The following CXADR variants were observed in gnomAD, a reference collection of about 807,000 sequenced individuals.
The protein encoded by CXADR is CXADR cell adhesion molecule, also known as coxsackievirus and adenovirus receptor.
CXADR carries 20 observed loss-of-function variants against 40.3 expected under a neutral mutation model. The observed-to-expected ratio is 0.50, with a 90% CI of 0.35 to 0.72. CXADR has a LOEUF of 0.72. Among genes scored for constraint, CXADR ranks in the 30% least tolerant of loss-of-function variants. The pLI is 0.01. For synonymous variants in CXADR, 150 were observed against 161.3 expected (o/e 0.93, Z 0.53); for missense variants, 332 against 449.1 (o/e 0.74, Z 2.36).
At chr21:17,602,171 A>G in the CXADR span, among the ~76,000 whole-genome samples, 1 of 152,084 alleles carries the variant, frequency 6.6e-6, no homozygotes, top group Non-Finnish European at 1.5e-5. Flanking sequence ...AAAAAAAAAA[A>G]GTTGTAAAAT....
At chr21:17,594,858 G>A (rs1276773231), downstream of CXADR, among the ~76,000 whole-genome samples, 6 of 151,996 alleles carry the variant, frequency 3.9e-5, no homozygotes, top group African/African-American at 1.2e-4. Flanking sequence ...GGGAGGGTGG[G>A]AGAAGGAAAA....
rs1600940037 is a variant in CXADR, at chr21:17,518,411, A to T, written c.43+5239A>T. 4 of 585,458 alleles carry T rather than the reference A, an allele frequency of 6.8e-6. No homozygotes were observed. In the East Asian group the frequency reaches 1.2e-4, roughly 17 times the overall value. The allele number at this position is 585,458 out of a possible 1,614,324, so 36.3% of individuals were successfully genotyped here. ...ATGCTGAACAGCATTATTAATATAC[A>T]AAATATTTATATTAGTGAACTAGTA... On this transcript the variant is annotated intron_variant, in intron 1 of 6. Transcript: ENST00000284878.
chr21:17,551,514 G>T (rs1449315327), intron 2 of CXADR, among the ~76,000 whole-genome samples: 1 of 152,166 alleles, frequency 6.6e-6, no homozygotes, highest in Non-Finnish European at 1.5e-5. Context: ...TTGCGTCTTG[G>T]TTTCCCCATT....
chr21:17,551,740 T>C lies in CXADR; in HGVS notation c.211-9T>C. 1 of 1,598,132 alleles carries C rather than the reference T, an allele frequency of 6.3e-7. No homozygotes were observed. Among genetic ancestry groups the C allele is most frequent in the Non-Finnish European group, 8.5e-7 (1 of 1,169,768 alleles). On this transcript the variant is annotated splice_polypyrimidine_tract_variant and intron_variant, in intron 2 of 6. Coordinates refer to ENST00000284878, the MANE Select transcript of CXADR (RefSeq NM_001338.5). ...TTTTTCCTCCTGTCTAATTTTGGCT[T>C]TCTTTTAGATTATTTTATATTCTGG...
At chr21:17,551,708 G>T (rs778649011) in intron 2 of CXADR, 41 bp from the exon 3 acceptor site, 4 of 1,545,048 alleles carry the variant, frequency 2.6e-6, no homozygotes, top group Admixed American at 1.9e-5. Flanking sequence ...TTTTTTGTGT[G>T]TGTTTGTTTT....
chr21:17,616,775 A>G, the CXADR span, among the ~76,000 whole-genome samples: 29 of 152,334 alleles, frequency 1.9e-4, 1 homozygote, highest in South Asian at 5.4e-3. Context: ...ATCTGAGACT[A>G]TAATTTTAAG....
downstream of CXADR, among the ~76,000 whole-genome samples, chr21:17,596,837 C>G (rs1405121139): frequency 6.6e-6 from 1 of 152,072 alleles, no homozygotes; most frequent in African/African-American, 2.4e-5. Flanking sequence ...AGAACTGACA[C>G]AATCTTCATT....
chr21:17,566,486 T>C lies in CXADR; in HGVS notation c.*794T>C. 1 of 985,420 alleles carries C rather than the reference T, an allele frequency of 1.0e-6. No individual in the cohort carries two copies. Among genetic ancestry groups the C allele is most frequent in the Non-Finnish European group, 1.2e-6 (1 of 829,924 alleles). 61.0% of individuals were successfully genotyped at this position (985,420 alleles called of 1,614,324 possible). On this transcript the variant is annotated 3_prime_UTR_variant, in exon 7 of 7. Transcript: ENST00000284878. The stretch of plus-strand genomic sequence containing the variant: ...TGGTGAGTAGTCTCATGCCTTGAGA[T>C]CTGTGGTGGTCTTCAAAATGGTGGC...
intron 1 of CXADR, among the ~76,000 whole-genome samples, chr21:17,515,957 A>G (rs2060457118): frequency 6.6e-6 from 1 of 152,224 alleles, no homozygotes; most frequent in Non-Finnish European, 1.5e-5. Flanking sequence ...GTTTTGTGGT[A>G]TACTCTGGCT....
chr21:17,625,763 G>A, the CXADR span, among the ~76,000 whole-genome samples: 5 of 152,150 alleles, frequency 3.3e-5, no homozygotes, highest in Admixed American at 6.5e-5. Context: ...ATTATCAACA[G>A]CATACCTTAA....
At chr21:17,530,359 G>A (rs1049609738) in intron 1 of CXADR, 4 of 444,430 alleles carry the variant, frequency 9.0e-6, no homozygotes, top group Admixed American at 5.0e-5. Flanking sequence ...TGTGTTTTTT[G>A]TCTTATTTTA....
chr21:17,593,293 A>T, exon 8 of CXADR: 1 of 1,062,998 alleles, frequency 9.4e-7, no homozygotes, highest in Non-Finnish European at 1.2e-6. Context: ...CAAGGCACAG[A>T]GATTAGAGCA....
intron 1 of CXADR, chr21:17,542,993 T>C (rs1399068751): frequency 5.8e-6 from 2 of 347,324 alleles, no homozygotes; most frequent in Admixed American, 3.6e-5. Flanking sequence ...AGGAACTGTT[T>C]TATATGATCT....
intron 1 of CXADR, among the ~76,000 whole-genome samples, chr21:17,540,237 T>C (rs780680624): frequency 1.4e-4 from 22 of 152,134 alleles, no homozygotes; most frequent in Admixed American, 6.5e-5. Context: ...AAGCCCTACC[T>C]CTAATACAGT....
chr21:17,565,742 A>C lies in CXADR; in HGVS notation c.*50A>C, dbSNP rs760223958. ...TCTCCGTGTTCCTTTCCTTTTTTTG[A>C]TATATGAAAACCTATTCTGGTCTAA... On this transcript the variant is annotated 3_prime_UTR_variant, in exon 7 of 7. Coordinates refer to ENST00000284878, the MANE Select transcript of CXADR (RefSeq NM_001338.5). The C allele has an allele frequency of 1.9e-6, 3 of 1,571,702 alleles. No individual in the cohort carries two copies. The highest frequency in any genetic ancestry group is 2.6e-6 in the Non-Finnish European group (3 of 1,160,018).
chr21:17,551,926 A>G lies in CXADR; in HGVS notation c.388A>G (p.Asn130Asp), dbSNP rs772476067. 6.2e-7 allele frequency: 1 copy of G among 1,613,838 alleles called. No homozygotes were observed. ...CKVKKAPGVA[N>D]KKIHLVVLVK... is the part of the protein sequence containing the mutation. ...AGTGAAAAAAGCTCCTGGTGTTGCA[A>G]ATAAGAAGATTCATCTGGTAGTTCT... The change falls in exon 3 of 7, where the codon AAT becomes GAT. Residue 130 changes from asparagine to aspartate, a missense_variant. Physicochemically the swap from Asn to Asp is conservative, Grantham distance 23. This residue lies in a region of CXADR where 162 missense variants were observed against 198.5 expected (regional missense o/e 0.82). Transcript: ENST00000284878.
rs2061210974 is a variant in CXADR, at chr21:17,566,528, G to A, written c.*836G>A. ...AATGGTGGCCAGCCAGATCAAGGAT[G>A]TAGTATCTCATAGTTCCCAGGTGAT... On this transcript the variant is annotated 3_prime_UTR_variant, in exon 7 of 7. Coordinates refer to ENST00000284878, the MANE Select transcript of CXADR (RefSeq NM_001338.5). 1.0e-6 allele frequency: 1 copy of A among 985,336 alleles called. No individual in the cohort carries two copies. The highest frequency in any genetic ancestry group is 1.2e-6 in the Non-Finnish European group (1 of 829,866). The allele number at this position is 985,336 out of a possible 1,614,324, so 61.0% of individuals were successfully genotyped here.
the CXADR span, chr21:17,605,094 T>A: frequency 7.4e-7 from 1 of 1,351,436 alleles, no homozygotes; most frequent in Non-Finnish European, 1.0e-6. Flanking sequence ...AATAAAATAG[T>A]AATAAAAAAA....
chr21:17,531,063 G>A (rs1006112374), intron 1 of CXADR, among the ~76,000 whole-genome samples: 11 of 152,182 alleles, frequency 7.2e-5, no homozygotes, highest in Non-Finnish European at 2.9e-5. Flanking sequence ...ACTTTGGGAG[G>A]TCGAGGTGGG....
Sources: allele counts gnomAD v4.1 joint callset (sites outside exome capture counted in the v4.1 genomes callset), GRCh38; gene constraint gnomAD v4.1.1; regional missense constraint gnomAD v4.1.1; transcripts MANE v1.5; gene names NCBI Gene and HGNC (gene_info 2026-07-23, HGNC 2026-07-21).